Variants in PTPRD observed in about 807,000 individuals in gnomAD.
PTPRD encodes the protein receptor-type tyrosine-protein phosphatase delta.
PTPRD carries 34 observed loss-of-function variants against 214.5 expected under a neutral mutation model. That is an observed-to-expected ratio of 0.16 (90% confidence interval 0.12 to 0.21). The LOEUF (loss-of-function observed/expected upper bound fraction) is 0.21, where lower values mean the gene tolerates loss of function less well. Among genes scored for constraint, PTPRD ranks in the 10% least tolerant of loss-of-function variants. The pLI, the probability that PTPRD is intolerant of heterozygous loss-of-function variation, is 1.00. For missense variants in PTPRD, 2,545 were observed against 2,398.7 expected (o/e 1.06, Z -1.27); for synonymous variants, 1,128 against 845.7 (o/e 1.33, Z -5.79).
At chr9:9,817,047 T>G (rs12684795) in intron 5 of PTPRD, among the ~76,000 whole-genome samples, 3 of 152,068 alleles carry the variant, frequency 2.0e-5, no homozygotes, top group Non-Finnish European at 4.4e-5. Context: ...AATTACCAGC[T>G]GTCAAAAAAA....
At chr9:8,710,804 T>G (rs2154404079) in intron 12 of PTPRD, among the ~76,000 whole-genome samples, 1 of 152,256 alleles carries the variant, frequency 6.6e-6, no homozygotes, top group African/African-American at 2.4e-5. Flanking sequence ...TCTGAGAACT[T>G]TACATATGAA....
At chr9:9,291,712 T>C (rs1327438528) in intron 9 of PTPRD, among the ~76,000 whole-genome samples, 3 of 151,242 alleles carry the variant, frequency 2.0e-5, no homozygotes, top group African/African-American at 7.3e-5. Flanking sequence ...TTATTTACTA[T>C]AATTACTTTT....
intron 3 of PTPRD, among the ~76,000 whole-genome samples, chr9:10,098,674 A>G (rs1043291491): frequency 6.6e-5 from 10 of 151,646 alleles, no homozygotes; most frequent in African/African-American, 2.4e-4. Flanking sequence ...AGTTACTTCA[A>G]GTAACTTTCC....
In PTPRD at chr9:8,400,196, G is replaced by A. The variant is rs148147237; in HGVS notation, c.4210+4341C>T. 5.3e-5 allele frequency among the ~76,000 whole-genome samples: 8 copies of A among 152,220 alleles called. No homozygotes were observed. In the East Asian group the frequency reaches 1.4e-3, roughly 26 times the overall value. On this transcript the variant is annotated intron_variant, in intron 36 of 45. Coordinates refer to ENST00000381196, the MANE Select transcript of PTPRD (RefSeq NM_002839.4). ...AGCAGTGAAGATTAATTATACTTTA[G>A]AACAACAACCTCTTTTTTATCCACA...
At chr9:10,160,185 C>T (rs1197018548) in intron 3 of PTPRD, among the ~76,000 whole-genome samples, 4 of 151,966 alleles carry the variant, frequency 2.6e-5, no homozygotes, top group Admixed American at 6.6e-5. Flanking sequence ...AGAGGAGGAG[C>T]AGCTCTACTT....
intron 2 of PTPRD, among the ~76,000 whole-genome samples, chr9:10,566,564 T>A (rs2065679580): frequency 6.6e-6 from 1 of 151,998 alleles, no homozygotes; most frequent in Admixed American, 6.6e-5. Flanking sequence ...TTGTAGGAGT[T>A]CTATGTTCTG....
chr9:9,441,042 G>C (rs1011028520), intron 8 of PTPRD, among the ~76,000 whole-genome samples: 1 of 152,202 alleles, frequency 6.6e-6, no homozygotes, highest in Middle Eastern at 3.4e-3. Flanking sequence ...CCCCTCATTG[G>C]GCCAAAATGG....
chr9:9,130,642 T>C (rs1276179535), intron 10 of PTPRD, among the ~76,000 whole-genome samples: 3 of 152,196 alleles, frequency 2.0e-5, no homozygotes, highest in Non-Finnish European at 2.9e-5. Flanking sequence ...GGGAATCATT[T>C]TAAAGACTGA....
chr9:10,379,989 T>C (rs986361543), intron 2 of PTPRD, among the ~76,000 whole-genome samples: 1 of 152,088 alleles, frequency 6.6e-6, no homozygotes, highest in African/African-American at 2.4e-5. Flanking sequence ...TCTTACTCTG[T>C]TGCCCAGGCT....
chr9:9,964,059 G>GGCAGAGACGGAA (rs1415671942), intron 4 of PTPRD, among the ~76,000 whole-genome samples: 24 of 126,692 alleles, frequency 1.9e-4, no homozygotes, highest in African/African-American at 7.8e-4. Context: ...GGCAGAGGCA[G>GGCAGAGACGGAA]GCAGAGACGG....
intron 4 of PTPRD, among the ~76,000 whole-genome samples, chr9:9,954,292 C>CAAA (rs2093704469): frequency 6.9e-4 from 3 of 4,324 alleles, no homozygotes; most frequent in South Asian, 6.1e-3. Flanking sequence ...GACTCTGTCT[C>CAAA]AAAACAAAAA....
chr9:9,161,855 CATAT>C (rs146603383), intron 10 of PTPRD, among the ~76,000 whole-genome samples: 11 of 151,024 alleles, frequency 7.3e-5, no homozygotes, highest in African/African-American at 2.7e-4. Context: ...ATAAGCTACA[CATAT>C]ATATATATAT....
intron 3 of PTPRD, among the ~76,000 whole-genome samples, chr9:10,214,098 T>C (rs76432093): frequency 0.011 from 1,616 of 152,234 alleles, 25 homozygotes; most frequent in African/African-American, 0.037. Flanking sequence ...TGAATTCTTA[T>C]GTTTAAATTT....
chr9:8,361,802 A>T (rs986022217), intron 39 of PTPRD, among the ~76,000 whole-genome samples: 1 of 149,114 alleles, frequency 6.7e-6, no homozygotes, highest in Non-Finnish European at 1.5e-5. Flanking sequence ...ACTAAAAAAA[A>T]TTCTGAAAAA....
chr9:8,747,231 T>A (rs2154456809), intron 11 of PTPRD, among the ~76,000 whole-genome samples: 1 of 152,280 alleles, frequency 6.6e-6, no homozygotes, highest in East Asian at 1.9e-4. Flanking sequence ...CAGCCACACT[T>A]TAGAAAATGT....
chr9:9,674,769 T>C (rs2096897867), intron 7 of PTPRD, among the ~76,000 whole-genome samples: 1 of 151,840 alleles, frequency 6.6e-6, no homozygotes, highest in Admixed American at 6.6e-5. Flanking sequence ...TGTACAATTC[T>C]CAACATATAT....
At chr9:10,520,773 C>G (rs2051946342) in intron 2 of PTPRD, among the ~76,000 whole-genome samples, 1 of 152,024 alleles carries the variant, frequency 6.6e-6, no homozygotes. Flanking sequence ...GTTAAATCTA[C>G]TCTGCCTGTG....
intron 5 of PTPRD, among the ~76,000 whole-genome samples, chr9:9,916,040 G>C (rs184207145): frequency 6.6e-6 from 1 of 151,204 alleles, no homozygotes; most frequent in Admixed American, 6.6e-5. Context: ...AACCTTAGAG[G>C]CAAGGAGAGA....
At chr9:9,055,586 G>A (rs1416003313) in intron 10 of PTPRD, among the ~76,000 whole-genome samples, 1 of 152,046 alleles carries the variant, frequency 6.6e-6, no homozygotes, top group African/African-American at 2.4e-5. Flanking sequence ...AATAAAAATG[G>A]TTGCAATAAT....
Sources: gnomAD v4.1 joint callset for allele counts (sites outside exome capture counted in the v4.1 genomes callset) on GRCh38, gnomAD v4.1.1 for gene constraint, MANE v1.5 for transcripts, NCBI Gene and HGNC (gene_info 2026-07-23, HGNC 2026-07-21) for gene names.